The following FRMPD4 variants were observed in gnomAD, a reference collection of about 807,000 sequenced individuals.
FRMPD4 encodes FERM and PDZ domain containing 4, also known as FERM and PDZ domain-containing protein 4.
FRMPD4 carries 22 observed loss-of-function variants against 94.1 expected under a neutral mutation model. That is an observed-to-expected ratio of 0.23 (90% confidence interval 0.17 to 0.33). FRMPD4 has a LOEUF of 0.33. FRMPD4 is among the 10% of genes least tolerant of loss of function. The pLI, the probability that FRMPD4 is intolerant of heterozygous loss-of-function variation, is 1.00. For synonymous variants in FRMPD4, 631 were observed against 548.6 expected, an observed-to-expected ratio of 1.15 and a Z score of -2.10; for missense variants, 1,111 against 1,339.9, an observed-to-expected ratio of 0.83 and a Z score of 2.67.
intron 1 of FRMPD4, among the ~76,000 whole-genome samples, chrX:12,212,539 C>A (rs1322090579): frequency 9.0e-6 from 1 of 111,420 alleles, no homozygotes; most frequent in Non-Finnish European, 1.9e-5. Flanking sequence ...TCTCTGAGAA[C>A]TGAGCGGTGT....
At chrX:12,454,318 A>C (rs927417779) in intron 1 of FRMPD4, among the ~76,000 whole-genome samples, 1 of 111,903 alleles carries the variant, frequency 8.9e-6, no homozygotes, top group Non-Finnish European at 1.9e-5. Flanking sequence ...TATTTTTAAG[A>C]GAAGGTACTT....
intron 1 of FRMPD4, among the ~76,000 whole-genome samples, chrX:12,376,751 A>G (rs2056243710): frequency 8.9e-6 from 1 of 112,736 alleles, no homozygotes; most frequent in Non-Finnish European, 1.9e-5. Flanking sequence ...GGTGAATTAG[A>G]ATTTACCAAT....
chrX:12,391,144 C>G (rs2056468871), intron 1 of FRMPD4, among the ~76,000 whole-genome samples: 1 of 111,976 alleles, frequency 8.9e-6, no homozygotes, highest in Non-Finnish European at 1.9e-5. Context: ...GGAAAATACT[C>G]AAGAGAATAA....
chrX:12,011,478 C>T (rs1227186637), intron 3 of FRMPD4, among the ~76,000 whole-genome samples: 6 of 111,895 alleles, frequency 5.4e-5, no homozygotes, highest in Non-Finnish European at 5.6e-5. Context: ...TGTCTAGTGG[C>T]CACAGTACTG....
At chrX:12,470,852 A>G (rs2057503658) in intron 1 of FRMPD4, among the ~76,000 whole-genome samples, 1 of 111,755 alleles carries the variant, frequency 8.9e-6, no homozygotes, top group Non-Finnish European at 1.9e-5. Flanking sequence ...CTCCCTGTTA[A>G]TACTGAAAAC....
At chrX:12,691,844 C>T (rs2060083583) in intron 8 of FRMPD4, among the ~76,000 whole-genome samples, 2 of 109,943 alleles carry the variant, frequency 1.8e-5, no homozygotes, top group Admixed American at 9.6e-5. Context: ...CACCGAGAGG[C>T]GAGGGAGCTG....
At chrX:12,396,434 A>G (rs1184167380) in intron 1 of FRMPD4, among the ~76,000 whole-genome samples, 2 of 112,451 alleles carry the variant, frequency 1.8e-5, no homozygotes, top group Non-Finnish European at 3.8e-5. Flanking sequence ...TATTCTCTTT[A>G]AAAGCACATT....
intron 3 of FRMPD4, among the ~76,000 whole-genome samples, chrX:12,039,314 C>A (rs1023656140): frequency 1.8e-5 from 2 of 109,520 alleles, no homozygotes; most frequent in Non-Finnish European, 3.8e-5. Flanking sequence ...TGCACAGCCC[C>A]TCTTTTCTAA....
intron 1 of FRMPD4, among the ~76,000 whole-genome samples, chrX:12,146,875 C>G (rs1411307037): frequency 8.9e-6 from 1 of 112,242 alleles, no homozygotes; most frequent in Non-Finnish European, 1.9e-5. Context: ...ATAGGACTAT[C>G]TCATCTTCAG....
chrX:12,194,024 AG>A (rs370546012), intron 1 of FRMPD4, among the ~76,000 whole-genome samples: 4 of 108,815 alleles, frequency 3.7e-5, no homozygotes, highest in African/African-American at 1.3e-4. Context: ...TATTTGGATC[AG>A]GCATTTAGTC....
At position 12,609,895 on chromosome X, in the gene FRMPD4, C is replaced by T. The variant is rs754828036; in HGVS notation, c.319+14C>T. 3.3e-6 allele frequency: 4 copies of T among 1,196,905 alleles called. No homozygotes were observed. The highest frequency in any genetic ancestry group is 4.5e-6 in the Non-Finnish European group (4 of 883,175). On this transcript the variant is annotated intron_variant, in intron 3 of 16. Transcript: ENST00000675598. ...CAGTAACACCAGGTAAGCACCCAAT[C>T]CCAGTTCTTGGTTTCCTGGGAATGT... is the stretch of plus-strand genomic sequence containing the variant.
intron 1 of FRMPD4, among the ~76,000 whole-genome samples, chrX:11,843,749 C>G (rs939596829): frequency 9.2e-6 from 1 of 109,257 alleles, no homozygotes; most frequent in Admixed American, 9.8e-5. Context: ...GTGGGTCTTG[C>G]TGTGTTCACC....
chrX:12,163,934 C>T (rs6640917), intron 1 of FRMPD4, among the ~76,000 whole-genome samples: 8,318 of 111,714 alleles, frequency 0.074, 899 homozygotes, highest in East Asian at 0.61. Flanking sequence ...GATTTGGTCT[C>T]ACTTGCAGAA....
chrX:12,079,011 T>C (rs1168929308), intron 3 of FRMPD4, among the ~76,000 whole-genome samples: 1 of 110,927 alleles, frequency 9.0e-6, no homozygotes, highest in Non-Finnish European at 1.9e-5. Context: ...ATAATTAGGG[T>C]GAAATTGGTA....
At chrX:12,158,387 T>C (rs1344508059) in intron 1 of FRMPD4, among the ~76,000 whole-genome samples, 1 of 112,039 alleles carries the variant, frequency 8.9e-6, no homozygotes, top group African/African-American at 3.2e-5. Context: ...CTTACACCAG[T>C]AACACTTCTT....
chrX:12,061,802 G>A (rs2054888462), intron 3 of FRMPD4, among the ~76,000 whole-genome samples: 1 of 110,804 alleles, frequency 9.0e-6, no homozygotes, highest in African/African-American at 3.3e-5. Flanking sequence ...CCATTATATT[G>A]AAGAACATTT....
At chrX:12,111,202 G>A (rs951623616) in intron 3 of FRMPD4, among the ~76,000 whole-genome samples, 2 of 111,796 alleles carry the variant, frequency 1.8e-5, no homozygotes, top group East Asian at 5.6e-4. Context: ...AAACAGCATG[G>A]TACTGGTGTC....
At chrX:12,058,741 T>C (rs761087289) in intron 3 of FRMPD4, among the ~76,000 whole-genome samples, 1 of 111,273 alleles carries the variant, frequency 9.0e-6, no homozygotes, top group Non-Finnish European at 1.9e-5. Flanking sequence ...GTGAGTGATT[T>C]TTCATCCAGG....
chrX:12,226,503 G>A (rs937531860), intron 1 of FRMPD4, among the ~76,000 whole-genome samples: 1 of 111,530 alleles, frequency 9.0e-6, no homozygotes. Flanking sequence ...AATCAAGATC[G>A]GTGACGGGTC....
Sources: gnomAD v4.1 joint callset for allele counts (sites outside exome capture counted in the v4.1 genomes callset) on GRCh38, gnomAD v4.1.1 for gene constraint, MANE v1.5 for transcripts, NCBI Gene and HGNC (gene_info 2026-07-23, HGNC 2026-07-21) for gene names.